PPM1E: variants seen among roughly 807,000 people sequenced by gnomAD.
PPM1E encodes the protein protein phosphatase 1E.
PPM1E carries 20 observed loss-of-function variants against 65.9 expected under a neutral mutation model. The ratio of observed to expected loss-of-function variants is 0.30; its 90% CI spans 0.21 to 0.44. The LOEUF is 0.44. Among genes scored for constraint, PPM1E ranks in the 20% least tolerant of loss-of-function variants. The pLI, the probability that PPM1E is intolerant of heterozygous loss-of-function variation, is 1.00. For missense variants in PPM1E, 713 were observed against 953.1 expected (o/e 0.75, Z 3.32); for synonymous variants, 352 against 374.9 (o/e 0.94, Z 0.70).
At chr17:58,951,867 G>A (rs2052244310) in intron 1 of PPM1E, among the ~76,000 whole-genome samples, 1 of 151,984 alleles carries the variant, frequency 6.6e-6, no homozygotes, top group South Asian at 2.1e-4. Flanking sequence ...TTACGATTGG[G>A]GTTTGTTCCT....
intron 1 of PPM1E, among the ~76,000 whole-genome samples, chr17:58,930,226 C>T (rs1388881669): frequency 1.3e-5 from 2 of 150,064 alleles, no homozygotes; most frequent in African/African-American, 4.9e-5. Context: ...GAAAACCCCA[C>T]CTCTACAATA....
intron 1 of PPM1E, among the ~76,000 whole-genome samples, chr17:58,802,258 A>G (rs1248154199): frequency 6.6e-6 from 1 of 152,162 alleles, no homozygotes; most frequent in African/African-American, 2.4e-5. Context: ...AGGGATATCC[A>G]GTTTTCCTAC....
intron 1 of PPM1E, among the ~76,000 whole-genome samples, chr17:58,893,176 T>C (rs1445559658): frequency 6.6e-6 from 1 of 152,214 alleles, no homozygotes; most frequent in Non-Finnish European, 1.5e-5. Context: ...AGCAACTTTA[T>C]TCATAATTAT....
At chr17:58,856,722 G>A (rs776387505) in intron 1 of PPM1E, among the ~76,000 whole-genome samples, 3 of 152,052 alleles carry the variant, frequency 2.0e-5, no homozygotes, top group Non-Finnish European at 2.9e-5. Flanking sequence ...GAAGACAGAG[G>A]GAAAAGATAT....
intron 1 of PPM1E, among the ~76,000 whole-genome samples, chr17:58,928,737 T>C (rs1294680459): frequency 6.6e-6 from 1 of 151,388 alleles, no homozygotes; most frequent in Non-Finnish European, 1.5e-5. Flanking sequence ...AGTTTTGCTC[T>C]TGTTGCCCGG....
chr17:58,839,085 C>T (rs1357282332), intron 1 of PPM1E, among the ~76,000 whole-genome samples: 1 of 152,078 alleles, frequency 6.6e-6, no homozygotes, highest in Non-Finnish European at 1.5e-5. Flanking sequence ...TCTGTACGCA[C>T]TGTAATGGTG....
chr17:58,944,330 C>T (rs1489387541), intron 1 of PPM1E, among the ~76,000 whole-genome samples: 1 of 152,078 alleles, frequency 6.6e-6, no homozygotes, highest in Non-Finnish European at 1.5e-5. Flanking sequence ...TTCTTTGTTC[C>T]TTCTCTACTC....
chr17:58,862,127 A>C (rs955067915), intron 1 of PPM1E, among the ~76,000 whole-genome samples: 2 of 152,198 alleles, frequency 1.3e-5, no homozygotes, highest in East Asian at 3.9e-4. Context: ...ATAGATTCAC[A>C]GTTTCCTGGA....
chr17:58,766,422 G>A (rs1217385287), intron 1 of PPM1E, among the ~76,000 whole-genome samples: 1 of 149,880 alleles, frequency 6.7e-6, no homozygotes, highest in Non-Finnish European at 1.5e-5. Flanking sequence ...GGCTGGTCTC[G>A]AACTCCCGAC....
intron 1 of PPM1E, among the ~76,000 whole-genome samples, chr17:58,888,362 C>CTTTTTTTTTTTTT (rs71367642): frequency 9.6e-6 from 1 of 104,490 alleles, no homozygotes; most frequent in African/African-American, 3.8e-5. Flanking sequence ...ACTCTTCTCT[C>CTTTTTTTTTTTTT]TTTTTTTTTT....
At chr17:58,955,863 A>G in intron 2 of PPM1E, 96 bp downstream of exon 2, 1 of 1,342,940 alleles carries the variant, frequency 7.4e-7, no homozygotes, top group South Asian at 1.7e-5. Flanking sequence ...ATCTAATTAC[A>G]TTTACCTGCT....
chr17:58,830,716 C>T (rs1383172260), intron 1 of PPM1E, among the ~76,000 whole-genome samples: 1 of 152,040 alleles, frequency 6.6e-6, no homozygotes, highest in Non-Finnish European at 1.5e-5. Context: ...GACGGAGTCT[C>T]ACTCTGTTGC....
chr17:58,858,962 A>C (rs886386304), intron 1 of PPM1E, among the ~76,000 whole-genome samples: 2 of 152,198 alleles, frequency 1.3e-5, no homozygotes, highest in Non-Finnish European at 2.9e-5. Context: ...TAGTTATGTC[A>C]TTGTCAACCT....
intron 1 of PPM1E, among the ~76,000 whole-genome samples, chr17:58,906,072 T>C (rs1209814683): frequency 2.6e-5 from 4 of 152,218 alleles, no homozygotes; most frequent in South Asian, 2.1e-4. Flanking sequence ...TCATTTCATC[T>C]AAGTTATCAA....
intron 1 of PPM1E, among the ~76,000 whole-genome samples, chr17:58,868,194 G>A (rs766639965): frequency 1.1e-4 from 17 of 152,214 alleles, no homozygotes; most frequent in South Asian, 2.1e-4. Context: ...GCCAGCCATG[G>A]TGGTGCACAC....
intron 1 of PPM1E, among the ~76,000 whole-genome samples, chr17:58,795,597 G>A (rs558357176): frequency 1.4e-4 from 21 of 152,258 alleles, no homozygotes; most frequent in East Asian, 5.8e-4. Flanking sequence ...CCAGATACTC[G>A]GGAGGCTGAG....
At chr17:58,758,330 C>G (rs568830703) in intron 1 of PPM1E, among the ~76,000 whole-genome samples, 41 of 152,050 alleles carry the variant, frequency 2.7e-4, no homozygotes, top group African/African-American at 9.9e-4. Flanking sequence ...GAGTTCGAGA[C>G]CAGCCTGACC....
intron 1 of PPM1E, among the ~76,000 whole-genome samples, chr17:58,852,846 C>T (rs2050841885): frequency 6.6e-6 from 1 of 152,138 alleles, no homozygotes; most frequent in South Asian, 2.1e-4. Flanking sequence ...TCGTGATTCG[C>T]CTACCTTGGC....
At chr17:58,778,624 G>T (rs2050018566) in intron 1 of PPM1E, among the ~76,000 whole-genome samples, 1 of 151,496 alleles carries the variant, frequency 6.6e-6, no homozygotes, top group Non-Finnish European at 1.5e-5. Flanking sequence ...TGCCCAGGCT[G>T]GTCTCAAACT....
Sources: allele counts gnomAD v4.1 joint callset (sites outside exome capture counted in the v4.1 genomes callset), GRCh38; gene constraint gnomAD v4.1.1; transcripts MANE v1.5; gene names NCBI Gene and HGNC (gene_info 2026-07-23, HGNC 2026-07-21).